Variants in ANKS1A observed in about 807,000 individuals in gnomAD.
ANKS1A encodes the protein ankyrin repeat and SAM domain-containing protein 1A.
ANKS1A carries 55 observed loss-of-function variants against 120.3 expected under a neutral mutation model. That is an observed-to-expected ratio of 0.46 (90% CI 0.37 to 0.57). ANKS1A has a LOEUF of 0.57. Ranked by LOEUF, ANKS1A falls within the 20% of genes least tolerant of loss-of-function variation. ANKS1A has a pLI of 0.00. For missense variants in ANKS1A, 1,123 were observed against 1,480.3 expected (o/e 0.76, Z 3.96); for synonymous variants, 590 against 604.7 (o/e 0.98, Z 0.36).
chr6:34,940,908 C>CAA (rs201669851), intron 1 of ANKS1A, among the ~76,000 whole-genome samples: 17 of 128,024 alleles, frequency 1.3e-4, no homozygotes, highest in East Asian at 8.5e-4. Flanking sequence ...AACTCTGTGT[C>CAA]AAAAAAAAAA....
At chr6:35,026,496 GTAAAAATCGTAGTATGTAGTTGA>G (rs1442442054) in intron 11 of ANKS1A, among the ~76,000 whole-genome samples, 2 of 118,710 alleles carry the variant, frequency 1.7e-5, no homozygotes, top group South Asian at 3.6e-4. Flanking sequence ...GAATGAATAG[GTAAAAATCGTAGTATGTAGTTGA>G]TGATGGGAGT....
chr6:35,041,172 C>T (rs1184810659), intron 11 of ANKS1A, among the ~76,000 whole-genome samples: 4 of 152,208 alleles, frequency 2.6e-5, no homozygotes, highest in Admixed American at 1.3e-4. Context: ...TCCTTGGCTC[C>T]TCTGACTGCC....
chr6:35,011,656 C>T (rs1773764717), intron 10 of ANKS1A, among the ~76,000 whole-genome samples: 2 of 152,286 alleles, frequency 1.3e-5, no homozygotes, highest in South Asian at 2.1e-4. Flanking sequence ...TATAAGAATA[C>T]TGGCCTTCCC....
In ANKS1A at chr6:35,053,958, C is replaced by T. The variant is rs192332325; in HGVS notation, c.2011-141C>T. On this transcript the variant is annotated intron_variant, in intron 11 of 23. Coordinates refer to ENST00000360359, the MANE Select transcript of ANKS1A (RefSeq NM_015245.3). Reference sequence around the variant, plus strand: ...TCTCTTAGACCTGAGCAGCAGAGTCCTGATACCTTGCAGGCTGGTGCTGGT... The same window carrying T: ...TCTCTTAGACCTGAGCAGCAGAGTCTTGATACCTTGCAGGCTGGTGCTGGT... 301 of 699,980 alleles carry T rather than the reference C, an allele frequency of 4.3e-4. No homozygotes were observed. The African/African-American group carries it at 4.8e-3, about 11-fold the overall frequency. The allele number at this position is 699,980 out of a possible 1,614,324, so 43.4% of individuals were successfully genotyped here.
chr6:35,062,751 T>C (rs977734620), intron 13 of ANKS1A, among the ~76,000 whole-genome samples: 6 of 152,244 alleles, frequency 3.9e-5, no homozygotes, highest in Non-Finnish European at 7.3e-5. Flanking sequence ...GATCGCCCTC[T>C]CTGCCCGAAT....
At chr6:34,981,628 T>G in intron 3 of ANKS1A, 62 bp from the exon 4 acceptor site, 3 of 1,554,762 alleles carry the variant, frequency 1.9e-6, no homozygotes, top group Non-Finnish European at 2.6e-6. Context: ...CGAGTGGTTG[T>G]CCCAGTCAGG....
At chr6:34,983,784 T>TA (rs1175869563) in intron 7 of ANKS1A, among the ~76,000 whole-genome samples, 1 of 149,536 alleles carries the variant, frequency 6.7e-6, no homozygotes, top group Non-Finnish European at 1.5e-5. Context: ...AGTTGACGAG[T>TA]AATAAATTTT....
Position 35,056,381 on chromosome 6 carries a change from C to T in ANKS1A, c.2077+2216C>T, listed in dbSNP as rs547494900. 4.2e-3 allele frequency among the ~76,000 whole-genome samples: 636 copies of T among 152,312 alleles called. 4 individuals are homozygous for T. Among genetic ancestry groups the T allele is most frequent in the Non-Finnish European group, 7.7e-3 (525 of 68,016 alleles). Reference sequence around the variant, plus strand: ...TCCACTCACTGCAAGCTCCGCCTCCCGGGTTCACACCATTCTCTTGCCTCA... The same window carrying T: ...TCCACTCACTGCAAGCTCCGCCTCCTGGGTTCACACCATTCTCTTGCCTCA... On this transcript the variant is annotated intron_variant, in intron 12 of 23. Coordinates refer to ENST00000360359, the MANE Select transcript of ANKS1A (RefSeq NM_015245.3).
Position 35,089,272 on chromosome 6 carries a change from T to C in ANKS1A, c.*663T>C. The C allele has an allele frequency of 3.0e-6, 3 of 987,336 alleles. No homozygotes were observed. Among genetic ancestry groups the C allele is most frequent in the Non-Finnish European group, 3.6e-6 (3 of 831,130 alleles). 61.2% of individuals were successfully genotyped at this position (987,336 alleles called of 1,614,324 possible). On this transcript the variant is annotated 3_prime_UTR_variant, in exon 24 of 24. Transcript: ENST00000360359. ...GAGCAACTCAAAGGTTTCCGGTCCATTTCTGGGGTTCCCGATGGGAAGGTT... is the reference window on the plus strand; with the variant it reads ...GAGCAACTCAAAGGTTTCCGGTCCACTTCTGGGGTTCCCGATGGGAAGGTT...
intron 3 of ANKS1A, among the ~76,000 whole-genome samples, chr6:34,972,249 C>T (rs1771220312): frequency 6.6e-6 from 1 of 152,112 alleles, no homozygotes. Flanking sequence ...GGGACCCCAG[C>T]CCAGTGCTTT....
intron 16 of ANKS1A, 133 bp downstream of exon 16, chr6:35,080,061 C>A: frequency 9.7e-7 from 1 of 1,026,698 alleles, no homozygotes; most frequent in Non-Finnish European, 1.4e-6. Context: ...GAGAGGAGTA[C>A]AGGAGAGGAG....
chr6:35,088,109 CAGAT>C (rs1466693815), intron 23 of ANKS1A, among the ~76,000 whole-genome samples: 2 of 152,256 alleles, frequency 1.3e-5, no homozygotes, highest in African/African-American at 2.4e-5. Flanking sequence ...TGGGGGATCA[CAGAT>C]AGACAGCGCC....
At position 34,945,496 on chromosome 6, in the gene ANKS1A, A is replaced by T. The variant is rs181813644; in HGVS notation, c.198-21743A>T. Reference sequence around the variant, plus strand: ...TTGTTGCAAAGACCATCTTATCTCCACTGAATTGGCCTTTGCTCCTTTGTC... The same window carrying T: ...TTGTTGCAAAGACCATCTTATCTCCTCTGAATTGGCCTTTGCTCCTTTGTC... On this transcript the variant is annotated intron_variant, in intron 1 of 23. Transcript: ENST00000360359. Among the ~76,000 whole-genome samples the T allele has an allele frequency of 8.5e-5, 13 of 152,234 alleles. No homozygotes were observed. The East Asian group carries it at 2.5e-3, about 29-fold the overall frequency.
At chr6:35,055,814 T>C (rs1284998834) in intron 12 of ANKS1A, among the ~76,000 whole-genome samples, 2 of 152,200 alleles carry the variant, frequency 1.3e-5, no homozygotes, top group African/African-American at 4.8e-5. Flanking sequence ...TGGTCCGTTT[T>C]CGTCAGTCTT....
rs560017508 is a variant in ANKS1A, at chr6:35,057,129, C to T, written c.2077+2964C>T. On this transcript the variant is annotated intron_variant, in intron 12 of 23. Coordinates refer to ENST00000360359, the MANE Select transcript of ANKS1A (RefSeq NM_015245.3). This position sits in a 1 kb window ranked among gnomAD's most constrained non-coding sequence, Gnocchi z 4.1. ...CACTGGTTTTGCAGAGGCGCCCGCA[C>T]CCCCCAGCCGAAGGGCACGACCACA... Among the ~76,000 whole-genome samples, 4 of 151,986 alleles carry T rather than the reference C, an allele frequency of 2.6e-5. No individual in the cohort carries two copies. In the East Asian group the frequency reaches 8.0e-4, roughly 31 times the overall value.
chr6:34,896,851 C>A (rs532294546), intron 1 of ANKS1A, among the ~76,000 whole-genome samples: 15 of 152,148 alleles, frequency 9.9e-5, no homozygotes, highest in South Asian at 2.1e-4. Context: ...GTAATCCCAG[C>A]TACTTGGGAG....
chr6:35,030,333 T>G (rs1581672028), intron 11 of ANKS1A, among the ~76,000 whole-genome samples: 1 of 152,328 alleles, frequency 6.6e-6, no homozygotes, highest in South Asian at 2.1e-4. Context: ...ACCGTAATAT[T>G]AAGACTCAAA....
At chr6:35,088,121 G>A (rs910030974) in intron 23 of ANKS1A, among the ~76,000 whole-genome samples, 13 of 152,328 alleles carry the variant, frequency 8.5e-5, no homozygotes, top group South Asian at 4.1e-4. Context: ...GATAGACAGC[G>A]CCGTCCAGCA....
rs768115170 is a variant in ANKS1A at position 34,982,799 on chromosome 6, C to G, written c.780C>G (p.Thr260=). 1 of 1,614,182 alleles carries G rather than the reference C, an allele frequency of 6.2e-7. No individual in the cohort carries two copies. Among genetic ancestry groups the G allele is most frequent in the Admixed American group, 1.7e-5 (1 of 60,026 alleles). The change falls in exon 5 of 24, where the codon ACC becomes ACG. Residue 260 remains threonine, a synonymous_variant. Transcript: ENST00000360359. The surrounding 1 kb of genome is among the most constrained non-coding windows in gnomAD (Gnocchi z 4.9). ...ATGAGGCTGCTTTGTTTGGCAAGAC[C>G]GATGTGGTGCAAATCCTGCTGGCTG... The part of the protein sequence containing the change: ...ALHEAALFGK[T]DVVQILLAAG...
Sources: gnomAD v4.1 joint callset for allele counts (sites outside exome capture counted in the v4.1 genomes callset) on GRCh38, gnomAD v4.1.1 for gene constraint, Gnocchi (gnomAD v3.1) non-coding constraint, MANE v1.5 for transcripts, NCBI Gene and HGNC (gene_info 2026-07-23, HGNC 2026-07-21) for gene names.